KRT16: variants seen among roughly 807,000 people sequenced by gnomAD.
The protein encoded by KRT16 is keratin, type I cytoskeletal 16.
KRT16 carries 42 observed loss-of-function variants against 44.8 expected under a neutral mutation model. The ratio of observed to expected loss-of-function variants is 0.94; its 90% CI spans 0.73 to 1.21. KRT16 has a LOEUF of 1.21. Among genes scored for constraint, KRT16 ranks in the 50% most tolerant of loss-of-function variants. KRT16 has a pLI of 0.00. For missense variants in KRT16, 561 were observed against 626.9 expected (o/e 0.89, Z 1.12); for synonymous variants, 226 against 260.4 (o/e 0.87, Z 1.27).
At position 41,612,250 on chromosome 17, in the gene KRT16, C is replaced by T; in HGVS notation, c.439G>A (p.Val147Met). 1 of 1,613,858 alleles carries T rather than the reference C, an allele frequency of 6.2e-7. No homozygotes were observed. Among genetic ancestry groups the T allele is most frequent in the Non-Finnish European group, 8.5e-7 (1 of 1,180,032 alleles). The change falls in exon 1 of 8, where the codon GTG (valine) becomes ATG (methionine). Residue 147 changes from valine to methionine, a missense_variant. Coordinates refer to ENST00000301653, the MANE Select transcript of KRT16 (RefSeq NM_005557.4). ...CTCTGGTACCAGTCACGGATCTTCA[C>T]TTCCAGGTCGGCGTTGGCCTCCTCC... ...ALEEANADLE[V>M]KIRDWYQRQR...
rs776890659 is a variant in KRT16 at position 41,611,211 on chromosome 17, CCT to C, written c.789_790del (p.Gly264SerfsTer24). On this transcript the variant is annotated frameshift_variant, in exon 4 of 8. Coordinates refer to ENST00000301653, the MANE Select transcript of KRT16 (RefSeq NM_005557.4). LOFTEE classifies it high-confidence loss of function. ...CACGTTCACATCTCCGCCGGTCTGA[CCT>C]CTCAGAGCAAGCATCTCCTGGGAAG... The C allele has an allele frequency of 6.2e-7, 1 of 1,613,876 alleles. No individual in the cohort carries two copies. Among genetic ancestry groups the C allele is most frequent in the African/African-American group, 1.3e-5 (1 of 74,924 alleles).
chr17:41,610,361 T>C lies in KRT16; in HGVS notation c.1250A>G (p.Tyr417Cys). 1 of 1,612,566 alleles carries C rather than the reference T, an allele frequency of 6.2e-7. No homozygotes were observed. Residue 417 changes from tyrosine to cysteine, a missense_variant, in exon 6 of 8, where the codon TAC becomes TGC. Coordinates refer to ENST00000301653, the MANE Select transcript of KRT16 (RefSeq NM_005557.4). ...ATCCTCGCCCTCCAGCAGGCGGCGG[T>C]AGGTGGCAATCTCCTGCTCCAGCCG... ...KTRLEQEIAT[Y>C]RRLLEGEDAH...
At position 41,611,483 on chromosome 17, in the gene KRT16, G is replaced by A. The variant is rs765449152; in HGVS notation, c.633C>T (p.Ala211=). 3 of 1,613,930 alleles carry A rather than the reference G, an allele frequency of 1.9e-6. No homozygotes were observed. The highest frequency in any genetic ancestry group is 1.7e-6 in the Non-Finnish European group (2 of 1,180,018). ...CGTCGGCCTCCACAGTCTGCCGCAGGGCCAGTTCATGCTCATACCTGGCAG... is the reference window on the plus strand; with the variant it reads ...CGTCGGCCTCCACAGTCTGCCGCAGAGCCAGTTCATGCTCATACCTGGCAG... ...DFRTKYEHEL[A]LRQTVEADVN... The change falls in exon 3 of 8, where the codon GCC becomes GCT. Residue 211 remains alanine, a synonymous_variant. Transcript: ENST00000301653.
chr17:41,610,367 G>A lies in KRT16; in HGVS notation c.1244C>T (p.Ala415Val), dbSNP rs1427007747. ...GCCCTCCAGCAGGCGGCGGTAGGTGGCAATCTCCTGCTCCAGCCGCGTCTT... is the reference window on the plus strand; with the variant it reads ...GCCCTCCAGCAGGCGGCGGTAGGTGACAATCTCCTGCTCCAGCCGCGTCTT... ...DVKTRLEQEI[A>V]TYRRLLEGED... The change falls in exon 6 of 8, where the codon GCC becomes GTC. Residue 415 changes from alanine (A) to valine (V), a missense_variant. Ala to Val is a moderately conservative substitution (Grantham distance 64). Transcript: ENST00000301653. The A allele has an allele frequency of 5.0e-6, 8 of 1,612,438 alleles. No individual in the cohort carries two copies. In the African/African-American group the frequency reaches 1.1e-4, roughly 22 times the overall value.
Position 41,609,831 on chromosome 17 carries a change from G to A in KRT16, c.*104C>T, listed in dbSNP as rs1908122760. 3.4e-6 allele frequency: 3 copies of A among 887,338 alleles called. No homozygotes were observed. The highest frequency in any genetic ancestry group is 5.6e-6 in the Non-Finnish European group (3 of 540,362). The allele number at this position is 887,338 out of a possible 1,614,324, so 55.0% of individuals were successfully genotyped here. Reference sequence around the variant, plus strand: ...TAGCCCACCACCAGCAGAGGAGCAGGGGAGATAGCTGGGAACTGCGCCAGG... The same window carrying A: ...TAGCCCACCACCAGCAGAGGAGCAGAGGAGATAGCTGGGAACTGCGCCAGG... On this transcript the variant is annotated 3_prime_UTR_variant, in exon 8 of 8. Transcript: ENST00000301653.
Position 41,609,870 on chromosome 17 carries a change from G to A in KRT16, c.*65C>T, listed in dbSNP as rs1908123353. ...AACTGCGCCAGGAGAGCAGGGTCCT[G>A]ACCCGGGCCTTCAGGAGGTGAGGCC... is the stretch of plus-strand genomic sequence containing the variant. On this transcript the variant is annotated 3_prime_UTR_variant, in exon 8 of 8. Transcript: ENST00000301653. 1 of 1,359,284 alleles carries A rather than the reference G, an allele frequency of 7.4e-7. No individual in the cohort carries two copies. Among genetic ancestry groups the A allele is most frequent in the Admixed American group, 1.7e-5 (1 of 57,540 alleles). The allele number at this position is 1,359,284 out of a possible 1,614,324, so 84.2% of individuals were successfully genotyped here.
chr17:41,610,362 A>G lies in KRT16; in HGVS notation c.1249T>C (p.Tyr417His). ...KTRLEQEIAT[Y>H]RRLLEGEDAH... ...TCCTCGCCCTCCAGCAGGCGGCGGT[A>G]GGTGGCAATCTCCTGCTCCAGCCGC... The change falls in exon 6 of 8, where the codon TAC (tyrosine) becomes CAC (histidine). Residue 417 changes from tyrosine (Y) to histidine (H), a missense_variant. Coordinates refer to ENST00000301653, the MANE Select transcript of KRT16 (RefSeq NM_005557.4). The G allele has an allele frequency of 6.2e-7, 1 of 1,612,678 alleles. No individual in the cohort carries two copies. Among genetic ancestry groups the G allele is most frequent in the Non-Finnish European group, 8.5e-7 (1 of 1,179,868 alleles).
rs1908151708 is a variant in KRT16, at chr17:41,610,501, CA to C, written c.1109del (p.Met370SerfsTer9). The C allele has an allele frequency of 1.2e-6, 2 of 1,612,024 alleles. No individual in the cohort carries two copies. Among genetic ancestry groups the C allele is most frequent in the Admixed American group, 3.3e-5 (2 of 60,008 alleles). On this transcript the variant is annotated frameshift_variant, in exon 6 of 8. Transcript: ENST00000301653. LOFTEE classifies it high-confidence loss of function. ...TCAGTCCCTGGATCTGGGACAGCTG[CA>C]TGCAGTAGCGGCCTTTGGTCTCCTC... ...SLEETKGRYC[M>X]QLSQIQGLIG... is the part of the protein sequence containing the mutation.
At position 41,611,583 on chromosome 17, in the gene KRT16, C is replaced by A. The variant is rs139769896; in HGVS notation, c.614+56G>T. ...GGTCTGCTGGCCCTGCTGGGTGGAC[C>A]GCCCCACTCTTTGTCCCTTGCCCTC... On this transcript the variant is annotated intron_variant, in intron 2 of 7. Transcript: ENST00000301653. The A allele has an allele frequency of 5.2e-4, 841 of 1,606,810 alleles. 6 individuals carry two copies. The African/African-American group carries it at 9.3e-3, about 18-fold the overall frequency.
chr17:41,612,548 C>T lies in KRT16; in HGVS notation c.141G>A (p.Gly47=), dbSNP rs1908244304. 6.3e-7 allele frequency: 1 copy of T among 1,594,760 alleles called. No homozygotes were observed. The highest frequency in any genetic ancestry group is 8.5e-7 in the Non-Finnish European group (1 of 1,170,996). Residue 47 remains glycine, a synonymous_variant, in exon 1 of 8, where the codon GGG becomes GGA. Coordinates refer to ENST00000301653, the MANE Select transcript of KRT16 (RefSeq NM_005557.4). ...AGCGAGAGGAGACAGACAGGCCGCC[C>T]CCGTAGGTGCTGGGGGCACGGCAGG... ...GGSCRAPSTY[G]GGLSVSSRFS...
At position 41,611,627 on chromosome 17, in the gene KRT16, C is replaced by A. The variant is rs912514036; in HGVS notation, c.614+12G>T. 6.2e-7 allele frequency: 1 copy of A among 1,610,560 alleles called. No homozygotes were observed. The highest frequency in any genetic ancestry group is 8.5e-7 in the Non-Finnish European group (1 of 1,179,030). On this transcript the variant is annotated intron_variant, in intron 2 of 7. Coordinates refer to ENST00000301653, the MANE Select transcript of KRT16 (RefSeq NM_005557.4). ...TGCCCTCTGCCCCCAGCCCACCATG[C>A]TGGCTGCTCACTTGGTCCTGAAGTC...
Position 41,612,485 on chromosome 17 carries a change from A to G in KRT16, c.204T>C (p.Tyr68=), listed in dbSNP as rs1567745656. The change falls in exon 1 of 8, where the codon TAT becomes TAC. Residue 68 remains tyrosine (Y), a synonymous_variant. Coordinates refer to ENST00000301653, the MANE Select transcript of KRT16 (RefSeq NM_005557.4). ...SGGACGLGGG[Y]GGGFSSSSSF... ...TGCTGCTGCTGCTGAAGCCACCGCC[A>G]TAGCCGCCCCCCAGCCCGCAGGCTC... is the stretch of plus-strand genomic sequence containing the variant. 1 of 1,609,538 alleles carries G rather than the reference A, an allele frequency of 6.2e-7. No individual in the cohort carries two copies. The highest frequency in any genetic ancestry group is 1.7e-5 in the Admixed American group (1 of 59,270).
Position 41,610,508 on chromosome 17 carries a change from T to G in KRT16, c.1103A>C (p.Tyr368Ser). ...ENSLEETKGRYCMQLSQIQGL... is the reference protein window; with the variant it reads ...ENSLEETKGRSCMQLSQIQGL... ...CTGGATCTGGGACAGCTGCATGCAG[T>G]AGCGGCCTTTGGTCTCCTCCAGGCT... The change falls in exon 6 of 8, where the codon TAC becomes TCC. Residue 368 changes from tyrosine (Y) to serine (S), a missense_variant. By Grantham distance (144) the Tyr-to-Ser change is moderately radical. Transcript: ENST00000301653. 6.2e-7 allele frequency: 1 copy of G among 1,612,098 alleles called. No individual in the cohort carries two copies. Among genetic ancestry groups the G allele is most frequent in the Non-Finnish European group, 8.5e-7 (1 of 1,179,858 alleles).
rs1275860110 is a variant in KRT16 at position 41,609,783 on chromosome 17, A to C, written c.*152T>G. ...AAGAACAGAGATCACACAGGTTTGC[A>C]TCAACCAGAAAGTCAGCTTTATTAG... On this transcript the variant is annotated 3_prime_UTR_variant, in exon 8 of 8. Coordinates refer to ENST00000301653, the MANE Select transcript of KRT16 (RefSeq NM_005557.4). 8 of 710,100 alleles carry C rather than the reference A, an allele frequency of 1.1e-5. No homozygotes were observed. Among genetic ancestry groups the C allele is most frequent in the Non-Finnish European group, 1.5e-5 (6 of 395,130 alleles). 44.0% of individuals were successfully genotyped at this position (710,100 alleles called of 1,614,324 possible). A position where few individuals can be genotyped will look rare whatever the true frequency, so the allele number is the denominator to read the frequency against.
Position 41,610,345 on chromosome 17 carries a change from C to T in KRT16, c.1266G>A (p.Glu422=), listed in dbSNP as rs1332181557. The T allele has an allele frequency of 1.2e-6, 2 of 1,612,918 alleles. No homozygotes were observed. The highest frequency in any genetic ancestry group is 8.5e-7 in the Non-Finnish European group (1 of 1,179,878). Reference sequence around the variant, plus strand: ...CTGGGACTCACTGGGCATCCTCGCCCTCCAGCAGGCGGCGGTAGGTGGCAA... The same window carrying T: ...CTGGGACTCACTGGGCATCCTCGCCTTCCAGCAGGCGGCGGTAGGTGGCAA... ...QEIATYRRLL[E]GEDAHLSSQQ... The change falls in exon 6 of 8, where the codon GAG becomes GAA. Residue 422 remains glutamate (E), a synonymous_variant. Transcript: ENST00000301653.
chr17:41,612,118 C>T (rs765688596), intron 1 of KRT16, 40 bp downstream of exon 1: 2 of 1,610,212 alleles, frequency 1.2e-6, no homozygotes, highest in East Asian at 2.2e-5. Flanking sequence ...CCACTGTAGC[C>T]CCAGCCTCTC....
rs765169539 is a variant in KRT16 at position 41,612,514 on chromosome 17, C to G, written c.175G>C (p.Gly59Arg). 6 of 1,602,936 alleles carry G rather than the reference C, an allele frequency of 3.7e-6. No homozygotes were observed. Among genetic ancestry groups the G allele is most frequent in the South Asian group, 1.1e-5 (1 of 90,270 alleles). The change falls in exon 1 of 8, where the codon GGG (glycine) becomes CGG (arginine). Residue 59 changes from glycine (G) to arginine (R), a missense_variant. Physicochemically the swap from Gly to Arg is moderately radical, Grantham distance 125 (BLOSUM62 -2). Transcript: ENST00000301653. ...GLSVSSRFSS[G>R]GACGLGGGYG... ...CCGCCCCCCAGCCCGCAGGCTCCCCCAGAGGAGAAGCGAGAGGAGACAGAC... is the reference window on the plus strand; with the variant it reads ...CCGCCCCCCAGCCCGCAGGCTCCCCGAGAGGAGAAGCGAGAGGAGACAGAC...
At position 41,610,458 on chromosome 17, in the gene KRT16, G is replaced by T. The variant is rs373241507; in HGVS notation, c.1153C>A (p.Gln385Lys). ...ATCTCACAGCGTAGCTGGGCCAGCT[G>T]CTCCTCCACACTGCCAATCAGTCCC... The part of the protein sequence containing the change: ...IQGLIGSVEE[Q>K]LAQLRCEMEQ... Residue 385 changes from glutamine to lysine, a missense_variant, in exon 6 of 8, where the codon CAG becomes AAG. Coordinates refer to ENST00000301653, the MANE Select transcript of KRT16 (RefSeq NM_005557.4). The T allele has an allele frequency of 5.4e-5, 87 of 1,612,154 alleles. No homozygotes were observed. The highest frequency in any genetic ancestry group is 6.8e-5 in the Non-Finnish European group (80 of 1,179,862).
Position 41,612,475 on chromosome 17 carries a change from A to G in KRT16, c.214T>C (p.Phe72Leu). The stretch of plus-strand genomic sequence containing the variant: ...CTACCAAAGCTGCTGCTGCTGCTGA[A>G]GCCACCGCCATAGCCGCCCCCCAGC... The part of the protein sequence containing the change: ...CGLGGGYGGG[F>L]SSSSSFGSGF... The change falls in exon 1 of 8, where the codon TTC (phenylalanine) becomes CTC (leucine). Residue 72 changes from phenylalanine to leucine, a missense_variant. Coordinates refer to ENST00000301653, the MANE Select transcript of KRT16 (RefSeq NM_005557.4). 2 of 1,608,390 alleles carry G rather than the reference A, an allele frequency of 1.2e-6. No individual in the cohort carries two copies. Among genetic ancestry groups the G allele is most frequent in the South Asian group, 2.2e-5 (2 of 90,948 alleles).
Sources: gnomAD v4.1 joint callset for allele counts on GRCh38, gnomAD v4.1.1 for gene constraint, MANE v1.5 for transcripts, NCBI Gene and HGNC (gene_info 2026-07-23, HGNC 2026-07-21) for gene names.